RAG2: variants seen among roughly 807,000 people sequenced by gnomAD.
RAG2 encodes recombination activating 2.
A neutral mutation model predicts 31.8 loss-of-function variants in RAG2; 16 were observed. That is an observed-to-expected ratio of 0.50 (90% CI 0.34 to 0.76). The LOEUF (loss-of-function observed/expected upper bound fraction) is 0.76, where lower values mean the gene tolerates loss of function less well. Among genes scored for constraint, RAG2 ranks in the 30% least tolerant of loss-of-function variants. RAG2 has a pLI of 0.01. For synonymous variants in RAG2, 199 were observed against 215.9 expected, an observed-to-expected ratio of 0.92 and a Z score of 0.68; for missense variants, 622 against 628.5, an observed-to-expected ratio of 0.99 and a Z score of 0.11.
At chr11:36,597,327 A>G (rs957723493) in intron 1 of RAG2, among the ~76,000 whole-genome samples, 1 of 152,218 alleles carries the variant, frequency 6.6e-6, no homozygotes, top group African/African-American at 2.4e-5. Flanking sequence ...TGATTATACT[A>G]TATCTAAAAT....
Position 36,593,595 on chromosome 11 carries a change from C to T in RAG2, c.574G>A (p.Ala192Thr), listed in dbSNP as rs372867141. ...AGTTCTGGAAGAATGTATGATGTAG[C>T]ACACCCAAATTCAAAATCCACCAGG... Reference protein sequence around the residue: ...VFLVDFEFGCATSYILPELQD... With the variant: ...VFLVDFEFGCTTSYILPELQD... The change falls in exon 2 of 2, where the codon GCT becomes ACT. Residue 192 changes from alanine (A) to threonine (T), a missense_variant. By Grantham distance (58) the Ala-to-Thr change is moderately conservative (BLOSUM62 0). Transcript: ENST00000311485. The T allele has an allele frequency of 5.6e-6, 9 of 1,614,044 alleles. No homozygotes were observed. The highest frequency in any genetic ancestry group is 3.3e-5 in the South Asian group (3 of 91,088).
downstream of RAG2, among the ~76,000 whole-genome samples, chr11:36,591,623 A>ACACT (rs1399651030): frequency 6.8e-6 from 1 of 147,452 alleles, no homozygotes; most frequent in African/African-American, 2.6e-5. Context: ...ACACACACAC[A>ACACT]CACTCACACA....
chr11:36,597,902 G>T (rs969204549), intron 1 of RAG2, among the ~76,000 whole-genome samples, 200 bp downstream of exon 1: 2 of 151,970 alleles, frequency 1.3e-5, no homozygotes, highest in South Asian at 2.1e-4. Context: ...TGCTCTAAAG[G>T]CCTAATAATT....
chr11:36,594,466 G>C, intron 1 of RAG2: 1 of 422,192 alleles, frequency 2.4e-6, no homozygotes, highest in South Asian at 3.0e-5. Context: ...GTCACCATGC[G>C]TCAGCTGAAA....
Position 36,593,895 on chromosome 11 carries a change from T to C in RAG2, c.274A>G (p.Ile92Val). 6.2e-7 allele frequency: 1 copy of C among 1,614,244 alleles called. No individual in the cohort carries two copies. The highest frequency in any genetic ancestry group is 8.5e-7 in the Non-Finnish European group (1 of 1,180,042). ...TTTGGTGTTTTCCCTCCATGGATGATGTATTGATGCTTTTCAGACTCCAAG... is the reference window on the plus strand; with the variant it reads ...TTTGGTGTTTTCCCTCCATGGATGACGTATTGATGCTTTTCAGACTCCAAG... Reference protein sequence around the residue: ...GSLESEKHQYIIHGGKTPNNE... With the variant: ...GSLESEKHQYVIHGGKTPNNE... Residue 92 changes from isoleucine to valine, a missense_variant, in exon 2 of 2, where the codon ATC (isoleucine) becomes GTC (valine). Ile to Val is a conservative substitution (Grantham distance 29). Transcript: ENST00000311485.
downstream of RAG2, among the ~76,000 whole-genome samples, chr11:36,591,239 A>G (rs2133308935): frequency 6.6e-6 from 1 of 152,282 alleles, no homozygotes; most frequent in East Asian, 1.9e-4. Flanking sequence ...ATCTGGGGAC[A>G]TGGAACTTTC....
rs189020262 is a variant in RAG2 at position 36,592,779 on chromosome 11, G to A, written c.1390C>T (p.Arg464Cys). Residue 464 changes from arginine to cysteine, a missense_variant, in exon 2 of 2, where the codon CGC (arginine) becomes TGC (cysteine). Coordinates refer to ENST00000311485, the MANE Select transcript of RAG2 (RefSeq NM_000536.4). ...CCTGCTGACAGATGGATGAGTGTGC[G>A]TTCTGCCAGATCCATGCACTGAGCA... Reference protein sequence around the residue: ...VHAQCMDLAERTLIHLSAGSN... With the variant: ...VHAQCMDLAECTLIHLSAGSN... The A allele has an allele frequency of 2.7e-5, 43 of 1,614,082 alleles. No homozygotes were observed. In the Admixed American group the frequency reaches 3.2e-4, roughly 12 times the overall value.
rs993286903 is a variant in RAG2 at position 36,592,890 on chromosome 11, T to C, written c.1279A>G (p.Ile427Val). The C allele has an allele frequency of 6.2e-7, 1 of 1,614,198 alleles. No individual in the cohort carries two copies. Among genetic ancestry groups the C allele is most frequent in the Non-Finnish European group, 8.5e-7 (1 of 1,180,034 alleles). ...ITCCPTCDVD[I>V]NTWVPFYSTE... ...GAATAGAATGGTACCCAAGTGTTGA[T>C]ATCCACATCACAAGTAGGGCAGCAT... The change falls in exon 2 of 2, where the codon ATC (isoleucine) becomes GTC (valine). Residue 427 changes from isoleucine to valine, a missense_variant. Ile to Val is a conservative substitution (Grantham distance 29). Coordinates refer to ENST00000311485, the MANE Select transcript of RAG2 (RefSeq NM_000536.4).
At chr11:36,597,857 C>T (rs1293050523) in intron 1 of RAG2, 2 of 152,016 alleles carry the variant, frequency 1.3e-5, no homozygotes, top group African/African-American at 4.8e-5. Flanking sequence ...CTGTCTTAGG[C>T]CAGAGAACGA....
Position 36,592,947 on chromosome 11 carries a change from C to T in RAG2, c.1222G>A (p.Glu408Lys), listed in dbSNP as rs1230255923. 5.6e-6 allele frequency: 9 copies of T among 1,614,020 alleles called. No homozygotes were observed. Among genetic ancestry groups the T allele is most frequent in the Non-Finnish European group, 7.6e-6 (9 of 1,180,040 alleles). Reference sequence around the variant, plus strand: ...CAGTAGCCTGTCTCAGACTCATCTTCTTCATCATCTTCATTATAGGTGTCA... The same window carrying T: ...CAGTAGCCTGTCTCAGACTCATCTTTTTCATCATCTTCATTATAGGTGTCA... Reference protein sequence around the residue: ...EFDTYNEDDEEDESETGYWIT... With the variant: ...EFDTYNEDDEKDESETGYWIT... The change falls in exon 2 of 2, where the codon GAA becomes AAA. Residue 408 changes from glutamate to lysine, a missense_variant. Physicochemically the swap from Glu to Lys is moderately conservative, Grantham distance 56. Coordinates refer to ENST00000311485, the MANE Select transcript of RAG2 (RefSeq NM_000536.4).
intron 1 of RAG2, chr11:36,594,770 A>G (rs934825981): frequency 1.3e-5 from 2 of 154,144 alleles, no homozygotes; most frequent in Admixed American, 1.3e-4. Flanking sequence ...AGGTGACCCG[A>G]TAGGAAGCAC....
chr11:36,593,676 T>C lies in RAG2; in HGVS notation c.493A>G (p.Thr165Ala), dbSNP rs759992403. Residue 165 changes from threonine (T) to alanine (A), a missense_variant, in exon 2 of 2, where the codon ACC becomes GCC. Transcript: ENST00000311485. Reference sequence around the variant, plus strand: ...TTCCATTTTTCTGTGGTTCTGTGGGTAGAAGGCATGTATGAGCGTCCTCCA... The same window carrying C: ...TTCCATTTTTCTGTGGTTCTGTGGGCAGAAGGCATGTATGAGCGTCCTCCA... ...LFGGRSYMPS[T>A]HRTTEKWNSV... 1 of 1,614,162 alleles carries C rather than the reference T, an allele frequency of 6.2e-7. No individual in the cohort carries two copies. Among genetic ancestry groups the C allele is most frequent in the Non-Finnish European group, 8.5e-7 (1 of 1,180,038 alleles).
At chr11:36,597,896 C>T (rs1000707417) in intron 1 of RAG2, among the ~76,000 whole-genome samples, 2 of 152,000 alleles carry the variant, frequency 1.3e-5, no homozygotes, top group Admixed American at 1.3e-4. Flanking sequence ...TAATAGTGCT[C>T]TAAAGGCCTA....
intron 1 of RAG2, chr11:36,594,585 A>AT (rs1851127437): frequency 5.0e-6 from 1 of 201,498 alleles, no homozygotes; most frequent in East Asian, 1.3e-4. Flanking sequence ...AATAAAGACT[A>AT]GCCGAAGGTG....
At chr11:36,596,787 C>T (rs1851283023) in intron 1 of RAG2, among the ~76,000 whole-genome samples, 2 of 152,136 alleles carry the variant, frequency 1.3e-5, no homozygotes, top group African/African-American at 4.8e-5. Flanking sequence ...TGTTTTAAAG[C>T]AATGTTTTTA....
In RAG2 at chr11:36,594,021, C is replaced by T; in HGVS notation, c.148G>A (p.Val50Ile). The change falls in exon 2 of 2, where the codon GTA (valine) becomes ATA (isoleucine). Residue 50 changes from valine (V) to isoleucine (I), a missense_variant. By Grantham distance (29) the Val-to-Ile change is conservative. Transcript: ENST00000311485. ...SCPTGVFHLD[V>I]KHNHVKLKPT... The stretch of plus-strand genomic sequence containing the variant: ...TTCAGTTTGACATGGTTATGCTTTA[C>T]ATCCAGATGGAAAACTCCAGTGGGG... The T allele has an allele frequency of 6.2e-7, 1 of 1,614,200 alleles. No homozygotes were observed. The highest frequency in any genetic ancestry group is 8.5e-7 in the Non-Finnish European group (1 of 1,180,028).
chr11:36,593,365 A>C lies in RAG2; in HGVS notation c.804T>G (p.Asn268Lys), dbSNP rs767420787. 1.2e-6 allele frequency: 2 copies of C among 1,614,032 alleles called. No individual in the cohort carries two copies. Among genetic ancestry groups the C allele is most frequent in the Non-Finnish European group, 1.7e-6 (2 of 1,180,008 alleles). Reference sequence around the variant, plus strand: ...AGCCACCAACAATAACAAATTCATCATTGTTAGTTTGAGTCAGGATTGCAC... The same window carrying C: ...AGCCACCAACAATAACAAATTCATCCTTGTTAGTTTGAGTCAGGATTGCAC... ...VSSAILTQTN[N>K]DEFVIVGGYQ... The change falls in exon 2 of 2, where the codon AAT becomes AAG. Residue 268 changes from asparagine to lysine, a missense_variant. By Grantham distance (94) the Asn-to-Lys change is moderately conservative (BLOSUM62 0). Coordinates refer to ENST00000311485, the MANE Select transcript of RAG2 (RefSeq NM_000536.4).
chr11:36,596,323 G>A lies in RAG2; in HGVS notation c.-28+1779C>T, dbSNP rs186698719. ...TATTTTCAGTCTACTTGGGAGACTC[G>A]TAAGGGGGTGATCTTTCAACAATTA... On this transcript the variant is annotated intron_variant, in intron 1 of 1. Coordinates refer to ENST00000311485, the MANE Select transcript of RAG2 (RefSeq NM_000536.4). Among the ~76,000 whole-genome samples, 109 of 150,132 alleles carry A rather than the reference G, an allele frequency of 7.3e-4. No homozygotes were observed. In the South Asian group the frequency reaches 0.019, roughly 26 times the overall value.
Position 36,592,824 on chromosome 11 carries a change from C to T in RAG2, c.1345G>A (p.Gly449Arg), listed in dbSNP as rs1851050411. Reference sequence around the variant, plus strand: ...TGAGCATGGACCCAGTGCCCATCCCCATGAGAGCAGTAGATCATGGCGGGT... The same window carrying T: ...TGAGCATGGACCCAGTGCCCATCCCTATGAGAGCAGTAGATCATGGCGGGT... ...NKPAMIYCSH[G>R]DGHWVHAQCM... Residue 449 changes from glycine to arginine, a missense_variant, in exon 2 of 2, where the codon GGG (glycine) becomes AGG (arginine). Coordinates refer to ENST00000311485, the MANE Select transcript of RAG2 (RefSeq NM_000536.4). The T allele has an allele frequency of 6.2e-7, 1 of 1,614,130 alleles. No individual in the cohort carries two copies. The highest frequency in any genetic ancestry group is 8.5e-7 in the Non-Finnish European group (1 of 1,180,030).
Sources: allele counts gnomAD v4.1 joint callset (sites outside exome capture counted in the v4.1 genomes callset), GRCh38; gene constraint gnomAD v4.1.1; transcripts MANE v1.5; gene names NCBI Gene and HGNC (gene_info 2026-07-23, HGNC 2026-07-21).